ARHGAP42: variants seen among roughly 807,000 people sequenced by gnomAD.
The protein encoded by ARHGAP42 is rho GTPase-activating protein 42.
ARHGAP42 carries 63 observed loss-of-function variants against 125.0 expected under a neutral mutation model. That is an observed-to-expected ratio of 0.50 (90% CI 0.41 to 0.62). The LOEUF is 0.62. ARHGAP42 is among the 20% of genes least tolerant of loss of function. The pLI is 0.00. For synonymous variants in ARHGAP42, 339 were observed against 351.0 expected (o/e 0.97, Z 0.38); for missense variants, 766 against 1,024.2 (o/e 0.75, Z 3.44).
intron 6 of ARHGAP42, among the ~76,000 whole-genome samples, chr11:100,929,585 A>G (rs1374368514): frequency 1.3e-5 from 2 of 151,690 alleles, no homozygotes; most frequent in Non-Finnish European, 1.5e-5. Flanking sequence ...CTATTATCTC[A>G]CTTTTTGAGT....
chr11:100,974,896 A>G (rs570273579), intron 19 of ARHGAP42, among the ~76,000 whole-genome samples: 25 of 152,268 alleles, frequency 1.6e-4, no homozygotes, highest in African/African-American at 5.8e-4. Flanking sequence ...CCTATTGTCA[A>G]AGTGGTAAAG....
intron 4 of ARHGAP42, among the ~76,000 whole-genome samples, chr11:100,876,305 GT>G (rs1184980497): frequency 6.6e-6 from 1 of 151,998 alleles, no homozygotes; most frequent in African/African-American, 2.4e-5. Context: ...AAATATATAC[GT>G]TCTTAGTTTA....
intron 3 of ARHGAP42, among the ~76,000 whole-genome samples, chr11:100,851,580 G>T (rs532703573): frequency 1.0e-3 from 154 of 152,130 alleles, no homozygotes; most frequent in Middle Eastern, 6.8e-3. Context: ...CTTTGTTATT[G>T]GTTTATGTAT....
chr11:100,849,186 A>G (rs1348010496), intron 3 of ARHGAP42, among the ~76,000 whole-genome samples: 1 of 152,040 alleles, frequency 6.6e-6, no homozygotes, highest in East Asian at 1.9e-4. Flanking sequence ...GTTGTTTGTC[A>G]TATGTTTTAA....
intron 3 of ARHGAP42, among the ~76,000 whole-genome samples, chr11:100,819,585 G>T (rs921227565): frequency 6.6e-6 from 1 of 152,120 alleles, no homozygotes; most frequent in Non-Finnish European, 1.5e-5. Context: ...TCTTGCATCT[G>T]CCTCTCATGA....
chr11:100,934,564 A>G (rs1178157172), intron 7 of ARHGAP42, among the ~76,000 whole-genome samples: 1 of 152,234 alleles, frequency 6.6e-6, no homozygotes, highest in Non-Finnish European at 1.5e-5. Flanking sequence ...CTTGCATTGA[A>G]ATAAAAACAC....
At chr11:100,977,758 C>T (rs923453408) in intron 21 of ARHGAP42, among the ~76,000 whole-genome samples, 10 of 152,242 alleles carry the variant, frequency 6.6e-5, no homozygotes, top group African/African-American at 1.7e-4. Flanking sequence ...TTAGAGATGA[C>T]GAGAACTGAT....
rs372356016 is a variant in ARHGAP42, at chr11:100,955,229, A to G, written c.1163-4654A>G. 4.4e-3 allele frequency among the ~76,000 whole-genome samples: 146 copies of G among 33,212 alleles called. 2 individuals carry two copies. Among genetic ancestry groups the G allele is most frequent in the African/African-American group, 0.015 (128 of 8,510 alleles). 21.8% of individuals were successfully genotyped at this position (33,212 alleles called of 152,430 possible). A position where few individuals can be genotyped will look rare whatever the true frequency, so the allele number is the denominator to read the frequency against. On this transcript the variant is annotated intron_variant, in intron 12 of 23. Coordinates refer to ENST00000298815, the MANE Select transcript of ARHGAP42 (RefSeq NM_152432.4). ...AAAGCTTTATCCCTGAACAGTTTACAGAGGGGGAAAAAAAAAGGTTTAGGC... is the reference window on the plus strand; with the variant it reads ...AAAGCTTTATCCCTGAACAGTTTACGGAGGGGGAAAAAAAAAGGTTTAGGC...
intron 4 of ARHGAP42, among the ~76,000 whole-genome samples, chr11:100,882,306 G>A (rs567147766): frequency 2.6e-5 from 4 of 152,078 alleles, no homozygotes; most frequent in Non-Finnish European, 4.4e-5. Flanking sequence ...TCATAAAGGG[G>A]TGCTGGATTT....
chr11:100,910,426 G>A (rs1217492813), intron 4 of ARHGAP42, among the ~76,000 whole-genome samples: 2 of 151,908 alleles, frequency 1.3e-5, no homozygotes, highest in Non-Finnish European at 2.9e-5. Context: ...ACATACTGTG[G>A]ACTGACAGAA....
chr11:100,869,182 A>G (rs1452388005), intron 4 of ARHGAP42, among the ~76,000 whole-genome samples: 2 of 152,038 alleles, frequency 1.3e-5, no homozygotes, highest in African/African-American at 4.8e-5. Context: ...ATTACTTATA[A>G]CTAATAACAC....
At chr11:100,974,704 A>G in intron 19 of ARHGAP42, 101 bp downstream of exon 19, 1 of 1,233,328 alleles carries the variant, frequency 8.1e-7, no homozygotes, top group Non-Finnish European at 1.1e-6. Flanking sequence ...GTTCTCACTG[A>G]TGCTCTTTCC....
chr11:100,973,111 A>C, intron 17 of ARHGAP42, 64 bp from the exon 18 acceptor site: 1 of 1,375,866 alleles, frequency 7.3e-7, no homozygotes, highest in Non-Finnish European at 9.7e-7. Flanking sequence ...AATTTGATAG[A>C]AGAGACTATT....
At chr11:100,785,208 C>T (rs754719244) in intron 2 of ARHGAP42, among the ~76,000 whole-genome samples, 12 of 151,978 alleles carry the variant, frequency 7.9e-5, no homozygotes, top group African/African-American at 2.2e-4. Context: ...TTTGAGAGGA[C>T]GAGGGCCCCT....
At chr11:100,774,788 G>A (rs1366447081) in intron 2 of ARHGAP42, among the ~76,000 whole-genome samples, 2 of 152,202 alleles carry the variant, frequency 1.3e-5, no homozygotes. Flanking sequence ...TGTTTGATGT[G>A]TAGGCCCATG....
At position 100,976,103 on chromosome 11, in the gene ARHGAP42, T is replaced by G. The variant is rs1858382657; in HGVS notation, c.1902T>G (p.Ile634Met). 1 of 1,548,890 alleles carries G rather than the reference T, an allele frequency of 6.5e-7. No individual in the cohort carries two copies. The highest frequency in any genetic ancestry group is 1.4e-5 in the African/African-American group (1 of 72,998). ...SSPDSTPMGSIESLSSHSSEQ... is the reference protein window; with the variant it reads ...SSPDSTPMGSMESLSSHSSEQ... ...CAGACAGCACACCTATGGGGAGCAT[T>G]GAGTCACTCTCTTCTCATTCCTCTG... The change falls in exon 20 of 24, where the codon ATT becomes ATG. Residue 634 changes from isoleucine (I) to methionine (M), a missense_variant. By Grantham distance (10) the Ile-to-Met change is conservative. Coordinates refer to ENST00000298815, the MANE Select transcript of ARHGAP42 (RefSeq NM_152432.4).
chr11:100,689,434 G>A (rs574317363), intron 1 of ARHGAP42, among the ~76,000 whole-genome samples: 2 of 152,198 alleles, frequency 1.3e-5, no homozygotes, highest in Middle Eastern at 3.4e-3. Flanking sequence ...TTTTCTCCCC[G>A]CTCTGCTTGA....
At chr11:100,897,604 T>C (rs4587692) in intron 4 of ARHGAP42, among the ~76,000 whole-genome samples, 10,085 of 152,208 alleles carry the variant, frequency 0.066, 458 homozygotes, top group East Asian at 0.25. Flanking sequence ...TTGAAGCAAT[T>C]GTGAATGGGA....
At chr11:100,849,877 A>G (rs1398820581) in intron 3 of ARHGAP42, among the ~76,000 whole-genome samples, 1 of 152,176 alleles carries the variant, frequency 6.6e-6, no homozygotes, top group Non-Finnish European at 1.5e-5. Context: ...GTGTTGTTCC[A>G]GGGAAAGTGA....
Sources: allele counts gnomAD v4.1 joint callset (sites outside exome capture counted in the v4.1 genomes callset), GRCh38; gene constraint gnomAD v4.1.1; transcripts MANE v1.5; gene names NCBI Gene and HGNC (gene_info 2026-07-23, HGNC 2026-07-21).